The following CDKN2B-AS1 variants were observed in gnomAD, a reference collection of about 807,000 sequenced individuals.
CDKN2B-AS1 encodes the protein CDKN2B antisense RNA 1 (non-protein coding).
intron 4 of CDKN2B-AS1, chr9:22,092,207 T>C (rs1280967822): frequency 6.6e-6 from 1 of 152,236 alleles, no homozygotes. Flanking sequence ...TTTGGTGTGC[T>C]ACTGGATTCA....
chr9:22,089,659 A>G lies in CDKN2B-AS1; in HGVS notation n.438+33272A>G, dbSNP rs368488824. On this transcript the variant is annotated intron_variant and non_coding_transcript_variant, in intron 4 of 4. Transcript: ENST00000650946. ...GGGACAAGTTTTCTCCATGTTGCTG[A>G]GGCTGGTCTTGAACTCCTGGGCTCA... Among the ~76,000 whole-genome samples, 29 of 151,482 alleles carry G rather than the reference A, an allele frequency of 1.9e-4. No homozygotes were observed. In the East Asian group the frequency reaches 4.7e-3, roughly 24 times the overall value.
At chr9:22,105,814 TAAA>T (rs72652495) in intron 4 of CDKN2B-AS1, among the ~76,000 whole-genome samples, 1 of 152,246 alleles carries the variant, frequency 6.6e-6, no homozygotes, top group Non-Finnish European at 1.5e-5. Flanking sequence ...AGTGTAGTCA[TAAA>T]AAACAGATTA....
At position 22,094,360 on chromosome 9, in the gene CDKN2B-AS1, G is replaced by T. The variant is rs1273176771; in HGVS notation, n.439-32743G>T. On this transcript the variant is annotated intron_variant and non_coding_transcript_variant, in intron 4 of 4. Transcript: ENST00000650946. ...TCTGTATTTCCTGAATTTGAATGTTGGCCTGCCTTGCTAGATTGGGGAAGT... is the reference window on the plus strand; with the variant it reads ...TCTGTATTTCCTGAATTTGAATGTTTGCCTGCCTTGCTAGATTGGGGAAGT... Among the ~76,000 whole-genome samples, 23 of 143,920 alleles carry T rather than the reference G, an allele frequency of 1.6e-4. 2 individuals are homozygous for T. Among genetic ancestry groups the T allele is most frequent in the Admixed American group, 3.4e-4 (5 of 14,820 alleles). 94.4% of individuals were successfully genotyped at this position (143,920 alleles called of 152,430 possible).
chr9:22,087,282 G>C (rs1047891994), intron 4 of CDKN2B-AS1, among the ~76,000 whole-genome samples: 4 of 152,234 alleles, frequency 2.6e-5, no homozygotes, highest in Non-Finnish European at 1.5e-5. Context: ...GTTGGGTGAA[G>C]AGTTGGTGCT....
chr9:22,103,185 T>G (rs1825547387), intron 4 of CDKN2B-AS1, among the ~76,000 whole-genome samples: 1 of 112,566 alleles, frequency 8.9e-6, no homozygotes, highest in Admixed American at 9.6e-5. Context: ...GTGTGGTGCG[T>G]GAAGAGAGGG....
At chr9:22,089,712 A>AGTGCTG (rs1468262826) in intron 4 of CDKN2B-AS1, among the ~76,000 whole-genome samples, 2 of 152,064 alleles carry the variant, frequency 1.3e-5, no homozygotes, top group Non-Finnish European at 2.9e-5. Flanking sequence ...AGCCTCCCAA[A>AGTGCTG]GTGCTGGAGT....
intron 1 of CDKN2B-AS1, among the ~76,000 whole-genome samples, chr9:22,044,908 A>G (rs1192039071): frequency 6.6e-6 from 1 of 151,824 alleles, no homozygotes; most frequent in Non-Finnish European, 1.5e-5. Context: ...TAAGAATACT[A>G]CTCTATATTC....
intron 1 of CDKN2B-AS1, among the ~76,000 whole-genome samples, chr9:22,011,554 C>A (rs367916946): frequency 1.3e-5 from 2 of 152,082 alleles, no homozygotes; most frequent in African/African-American, 4.8e-5. Flanking sequence ...AGTCTTTTTA[C>A]CCTTTATACT....
chr9:22,056,837 T>G (rs921456915), intron 4 of CDKN2B-AS1, among the ~76,000 whole-genome samples: 2 of 152,200 alleles, frequency 1.3e-5, no homozygotes, highest in Admixed American at 1.3e-4. Context: ...CTACTCAACA[T>G]CTTCACTTTT....
chr9:22,043,421 CA>C, intron 1 of CDKN2B-AS1, among the ~76,000 whole-genome samples: 1 of 152,054 alleles, frequency 6.6e-6, no homozygotes, highest in Non-Finnish European at 1.5e-5. Context: ...TTCACACACA[CA>C]CAGACACACA....
In CDKN2B-AS1 at chr9:22,007,274, A is replaced by C. The variant is rs149099202; in HGVS notation, n.29+12113A>C. Among the ~76,000 whole-genome samples the C allele has an allele frequency of 5.4e-3, 815 of 152,272 alleles. 6 individuals are homozygous for C. Among genetic ancestry groups the C allele is most frequent in the African/African-American group, 0.019 (783 of 41,552 alleles). On this transcript the variant is annotated intron_variant and non_coding_transcript_variant, in intron 1 of 4. Coordinates refer to ENST00000650946, the Ensembl canonical transcript of CDKN2B-AS1. ...CAACTCAGGAGGCTGAGGCAGGAGA[A>C]TCGCTTGCATCCTGGAAGAGGTTGC... is the stretch of plus-strand genomic sequence containing the variant.
intron 4 of CDKN2B-AS1, among the ~76,000 whole-genome samples, chr9:22,105,840 G>A (rs1309210129): frequency 2.0e-5 from 3 of 152,186 alleles, no homozygotes; most frequent in East Asian, 1.9e-4. Flanking sequence ...AGCATGATGT[G>A]CTTTGATTTC....
chr9:22,027,692 CTT>C (rs1327005115), intron 1 of CDKN2B-AS1, among the ~76,000 whole-genome samples: 1 of 152,158 alleles, frequency 6.6e-6, no homozygotes, highest in Non-Finnish European at 1.5e-5. Flanking sequence ...CACAGGCACT[CTT>C]TTCGGTCCTC....
chr9:22,112,675 G>C (rs1825832157), intron 4 of CDKN2B-AS1, among the ~76,000 whole-genome samples: 1 of 152,130 alleles, frequency 6.6e-6, no homozygotes, highest in African/African-American at 2.4e-5. Context: ...GACATTTTTA[G>C]TATATTATAA....
chr9:22,063,693 GTTTCTTCAACTC>G (rs1198844646), intron 4 of CDKN2B-AS1, among the ~76,000 whole-genome samples: 1 of 152,150 alleles, frequency 6.6e-6, no homozygotes, highest in Non-Finnish European at 1.5e-5. Flanking sequence ...GACAACTACT[GTTTCTTCAACTC>G]TTTCTTCAAC....
intron 1 of CDKN2B-AS1, among the ~76,000 whole-genome samples, chr9:22,041,024 G>T (rs904247119): frequency 6.6e-6 from 1 of 151,922 alleles, no homozygotes; most frequent in South Asian, 2.1e-4. Context: ...ACTTTTCTTA[G>T]TCACTTCTGT....
At chr9:22,040,707 C>G (rs912067404) in intron 1 of CDKN2B-AS1, among the ~76,000 whole-genome samples, 1 of 151,974 alleles carries the variant, frequency 6.6e-6, no homozygotes. Context: ...GCACGAATGC[C>G]TCCTTTGTAG....
At chr9:22,063,478 T>A (rs902093811) in intron 4 of CDKN2B-AS1, among the ~76,000 whole-genome samples, 4 of 152,084 alleles carry the variant, frequency 2.6e-5, no homozygotes, top group African/African-American at 9.7e-5. Context: ...GTAAAAAAAT[T>A]GAAGAGATTA....
intron 4 of CDKN2B-AS1, among the ~76,000 whole-genome samples, chr9:22,098,157 C>CTCTG (rs759788632): frequency 1.6e-4 from 23 of 146,114 alleles, no homozygotes; most frequent in Admixed American, 4.8e-4. Context: ...CTCTCTGTCT[C>CTCTG]TGTGTGTGTG....
Sources: gnomAD v4.1 joint callset for allele counts (sites outside exome capture counted in the v4.1 genomes callset) on GRCh38, gnomAD v4.1.1 for gene constraint, MANE v1.5 for transcripts, NCBI Gene and HGNC (gene_info 2026-07-23, HGNC 2026-07-21) for gene names.